Variants in ERICH3 observed in about 807,000 individuals in gnomAD.
The protein encoded by ERICH3 is glutamate rich 3.
A neutral mutation model predicts 131.1 loss-of-function variants in ERICH3; 126 were observed. The ratio of observed to expected loss-of-function variants is 0.96; its 90% CI spans 0.83 to 1.11. ERICH3 has a LOEUF of 1.11. Among genes scored for constraint, ERICH3 ranks in the 50% most tolerant of loss-of-function variants. The pLI is 0.00. For missense variants in ERICH3, 2,050 were observed against 1,810.7 expected, an observed-to-expected ratio of 1.13 and a Z score of -2.40; for synonymous variants, 695 against 644.6, an observed-to-expected ratio of 1.08 and a Z score of -1.18.
chr1:74,641,005 G>C (rs535880636), intron 5 of ERICH3, among the ~76,000 whole-genome samples: 1 of 152,180 alleles, frequency 6.6e-6, no homozygotes, highest in East Asian at 1.9e-4. Flanking sequence ...ATGGTTTAGG[G>C]TCTTAAATGT....
chr1:74,632,753 C>A (rs1050748282), intron 6 of ERICH3, among the ~76,000 whole-genome samples: 2 of 151,836 alleles, frequency 1.3e-5, no homozygotes, highest in African/African-American at 2.4e-5. Flanking sequence ...CCATAAATTT[C>A]TTTTAAATAA....
intron 6 of ERICH3, 98 bp downstream of exon 6, chr1:74,636,182 T>A: frequency 1.0e-6 from 1 of 998,094 alleles, no homozygotes; most frequent in Non-Finnish European, 1.4e-6. Flanking sequence ...ATTTTCACTG[T>A]GTAGATTTTA....
In ERICH3 at chr1:74,573,475, G is replaced by T; in HGVS notation, c.2235C>A (p.Phe745Leu). 6.6e-7 allele frequency: 1 copy of T among 1,515,920 alleles called. No homozygotes were observed. The highest frequency in any genetic ancestry group is 8.8e-7 in the Non-Finnish European group (1 of 1,135,914). 93.9% of individuals were successfully genotyped at this position (1,515,920 alleles called of 1,614,324 possible). A position where few individuals can be genotyped will look rare whatever the true frequency, so the allele number is the denominator to read the frequency against. ...TGATTGCTGCTGTTTCATCCACCAT[G>T]AAATTCATTGTTGGTGCTATAAAAA... The part of the protein sequence containing the change: ...VLALGAPTMN[F>L]MVDETAAINS... The change falls in exon 14 of 15, where the codon TTC becomes TTA. Residue 745 changes from phenylalanine (F) to leucine (L), a missense_variant. Transcript: ENST00000326665.
At chr1:74,596,444 C>T (rs1647855403) in intron 11 of ERICH3, among the ~76,000 whole-genome samples, 1 of 152,020 alleles carries the variant, frequency 6.6e-6, no homozygotes, top group Non-Finnish European at 1.5e-5. Flanking sequence ...ATTACATATG[C>T]ATCACTTTAA....
intron 1 of ERICH3, among the ~76,000 whole-genome samples, chr1:74,649,855 T>C (rs1257422927): frequency 1.3e-5 from 2 of 152,118 alleles, no homozygotes; most frequent in South Asian, 4.1e-4. Flanking sequence ...TCTCTTCTCT[T>C]AGGAAACATT....
intron 9 of ERICH3, among the ~76,000 whole-genome samples, chr1:74,610,397 T>C (rs1057150134): frequency 1.3e-5 from 2 of 149,086 alleles, no homozygotes; most frequent in African/African-American, 2.5e-5. Context: ...CTCTATCTTG[T>C]ATGCCTTCTT....
At chr1:74,624,761 G>T (rs976861790) in intron 7 of ERICH3, 3 of 152,748 alleles carry the variant, frequency 2.0e-5, no homozygotes, top group Non-Finnish European at 4.4e-5. Context: ...TGGTGTAAGA[G>T]TTATTAACAT....
At chr1:74,660,851 A>G (rs933749583) in intron 1 of ERICH3, among the ~76,000 whole-genome samples, 1 of 151,972 alleles carries the variant, frequency 6.6e-6, no homozygotes, top group Admixed American at 6.6e-5. Flanking sequence ...TGCAAGTCAT[A>G]GGGTCAGCTT....
At position 74,597,623 on chromosome 1, in the gene ERICH3, T is replaced by C. The variant is rs60665141; in HGVS notation, c.1726+2072A>G. 3.8e-3 allele frequency among the ~76,000 whole-genome samples: 576 copies of C among 152,118 alleles called. 9 individuals carry two copies. Among genetic ancestry groups the C allele is most frequent in the Admixed American group, 0.026 (395 of 15,244 alleles). On this transcript the variant is annotated intron_variant, in intron 11 of 14. Transcript: ENST00000326665. ...ACTGTAAAGTATAAATGTAGCTAGA[T>C]ATCATGGCACTAACCGAAACATCTT...
At chr1:74,653,486 A>G (rs1046923087) in intron 1 of ERICH3, among the ~76,000 whole-genome samples, 2 of 152,108 alleles carry the variant, frequency 1.3e-5, no homozygotes. Flanking sequence ...TTCTTCCCGT[A>G]TCATAAGCTA....
intron 9 of ERICH3, among the ~76,000 whole-genome samples, chr1:74,611,795 A>G (rs1445372326): frequency 6.6e-6 from 1 of 152,098 alleles, no homozygotes; most frequent in Non-Finnish European, 1.5e-5. Context: ...CTTCCTAACT[A>G]TCCTGCATAA....
rs576003540 is a variant in ERICH3, at chr1:74,568,559, A to G, written c.*1899T>C. ...CATAAAACTTTAAGACAGATGATGGAGATTTATGATGTGCAGTGAGTAATA... is the reference window on the plus strand; with the variant it reads ...CATAAAACTTTAAGACAGATGATGGGGATTTATGATGTGCAGTGAGTAATA... On this transcript the variant is annotated 3_prime_UTR_variant, in exon 15 of 15. Coordinates refer to ENST00000326665, the MANE Select transcript of ERICH3 (RefSeq NM_001002912.5). 2.6e-5 allele frequency: 4 copies of G among 152,304 alleles called. No individual in the cohort carries two copies. The South Asian group carries it at 6.2e-4, about 24-fold the overall frequency. 9.4% of individuals were successfully genotyped at this position (152,304 alleles called of 1,614,324 possible). A position where few individuals can be genotyped will look rare whatever the true frequency, so the allele number is the denominator to read the frequency against.
At chr1:74,628,250 A>G (rs1448963597) in intron 7 of ERICH3, among the ~76,000 whole-genome samples, 1 of 152,204 alleles carries the variant, frequency 6.6e-6, no homozygotes, top group Admixed American at 6.5e-5. Flanking sequence ...AATACTGTAA[A>G]CACTGAATAA....
Position 74,572,920 on chromosome 1 carries a change from C to T in ERICH3, c.2790G>A (p.Glu930=), listed in dbSNP as rs1646983382. ...AALREAATSE[E]GEAEGGVAVS... is the part of the protein sequence containing the mutation. The stretch of plus-strand genomic sequence containing the variant: ...CAGCCACCCCACCCTCAGCCTCTCC[C>T]TCCTCCGATGTCGCTGCCTCTCTCA... Residue 930 remains glutamate, a synonymous_variant, in exon 14 of 15, where the codon GAG becomes GAA. Coordinates refer to ENST00000326665, the MANE Select transcript of ERICH3 (RefSeq NM_001002912.5). 1.2e-6 allele frequency: 2 copies of T among 1,613,980 alleles called. No homozygotes were observed. The highest frequency in any genetic ancestry group is 1.3e-5 in the African/African-American group (1 of 74,904).
intron 2 of ERICH3, among the ~76,000 whole-genome samples, chr1:74,648,934 C>A (rs1646508546): frequency 1.3e-5 from 2 of 152,044 alleles, no homozygotes; most frequent in Admixed American, 1.3e-4. Flanking sequence ...ACAATGTGTT[C>A]AATAAATATG....
chr1:74,585,571 T>C (rs576368829), intron 12 of ERICH3, among the ~76,000 whole-genome samples: 2 of 152,274 alleles, frequency 1.3e-5, no homozygotes, highest in East Asian at 3.9e-4. Flanking sequence ...ACATCATTAA[T>C]TGTATATGAT....
chr1:74,597,056 A>T (rs1022901751), intron 11 of ERICH3, among the ~76,000 whole-genome samples: 2 of 152,098 alleles, frequency 1.3e-5, no homozygotes, highest in Admixed American at 6.6e-5. Context: ...GTCAATAAAA[A>T]GGATGTACTG....
At chr1:74,598,290 C>T (rs1402456317) in intron 11 of ERICH3, among the ~76,000 whole-genome samples, 1 of 151,618 alleles carries the variant, frequency 6.6e-6, no homozygotes, top group Non-Finnish European at 1.5e-5. Flanking sequence ...AGAATCTTTA[C>T]CCCAAGTTGT....
rs766661492 is a variant in ERICH3, at chr1:74,571,209, G to T, written c.4501C>A (p.Pro1501Thr). ...TTCTCTCGGGTTTCAGTGAAATCAG[G>T]CTTCACTGGAAGTGTTGCCATCGCC... ...LQAMATLPVKPDFTETREKQQ... is the reference protein window; with the variant it reads ...LQAMATLPVKTDFTETREKQQ... Residue 1501 changes from proline (P) to threonine (T), a missense_variant, in exon 14 of 15, where the codon CCT becomes ACT. Pro to Thr is a conservative substitution (Grantham distance 38). Transcript: ENST00000326665. 6.8e-6 allele frequency: 11 copies of T among 1,614,062 alleles called. No homozygotes were observed. The highest frequency in any genetic ancestry group is 3.3e-5 in the Admixed American group (2 of 60,016).
Sources: gnomAD v4.1 joint callset for allele counts (sites outside exome capture counted in the v4.1 genomes callset) on GRCh38, gnomAD v4.1.1 for gene constraint, MANE v1.5 for transcripts, NCBI Gene and HGNC (gene_info 2026-07-23, HGNC 2026-07-21) for gene names.